CCDC181: variants seen among roughly 807,000 people sequenced by gnomAD.
CCDC181 encodes the protein coiled-coil domain containing 181.
A neutral mutation model predicts 58.7 loss-of-function variants in CCDC181; 35 were observed. The ratio of observed to expected loss-of-function variants is 0.60; its 90% CI spans 0.46 to 0.79. The LOEUF (loss-of-function observed/expected upper bound fraction) is 0.79, where lower values mean the gene tolerates loss of function less well. Among genes scored for constraint, CCDC181 ranks in the 30% least tolerant of loss-of-function variants. The pLI, the probability that CCDC181 is intolerant of heterozygous loss-of-function variation, is 0.00. For synonymous variants in CCDC181, 183 were observed against 197.5 expected, an observed-to-expected ratio of 0.93 and a Z score of 0.62; for missense variants, 517 against 583.9, an observed-to-expected ratio of 0.89 and a Z score of 1.18.
rs746721234 is a variant in CCDC181, at chr1:169,394,878, CTG to C, written c.*167_*168del. On this transcript the variant is annotated 3_prime_UTR_variant, in exon 6 of 6. Transcript: ENST00000367806. ...AGAGATGGCACAACACATTACAACA[CTG>C]TGAGAAAAAAATTTATTTTGTTCTA... 1.8e-6 allele frequency: 1 copy of C among 552,640 alleles called. No homozygotes were observed. Among genetic ancestry groups the C allele is most frequent in the Non-Finnish European group, 3.0e-6 (1 of 330,698 alleles). 34.2% of individuals were successfully genotyped at this position (552,640 alleles called of 1,614,324 possible).
chr1:169,395,464 T>C (rs2102030488), intron 5 of CCDC181, among the ~76,000 whole-genome samples: 1 of 152,330 alleles, frequency 6.6e-6, no homozygotes, highest in African/African-American at 2.4e-5. Context: ...GGTTTTTTAA[T>C]AATAAACACT....
At chr1:169,403,476 C>T (rs948171351) in intron 4 of CCDC181, among the ~76,000 whole-genome samples, 3 of 152,250 alleles carry the variant, frequency 2.0e-5, no homozygotes, top group Non-Finnish European at 4.4e-5. Context: ...GACCACAGTG[C>T]AATCAAACTA....
intron 4 of CCDC181, among the ~76,000 whole-genome samples, chr1:169,417,671 A>G (rs12088713): frequency 0.015 from 2,239 of 152,232 alleles, 59 homozygotes; most frequent in African/African-American, 0.051. Flanking sequence ...GCTTCTAATC[A>G]TGGCTTAGTC....
intron 2 of CCDC181, among the ~76,000 whole-genome samples, chr1:169,423,819 T>C (rs1287211885): frequency 6.6e-6 from 1 of 152,042 alleles, no homozygotes; most frequent in Non-Finnish European, 1.5e-5. Flanking sequence ...TCTGTTAGGA[T>C]GCATAAAACT....
chr1:169,430,964 T>G (rs1656905140), upstream of CCDC181, among the ~76,000 whole-genome samples: 1 of 152,200 alleles, frequency 6.6e-6, no homozygotes, highest in African/African-American at 2.4e-5. Flanking sequence ...ATGCAAACAT[T>G]ACACTCCTAT....
chr1:169,442,000 A>G (rs1433083508), intron 2 of CCDC181, among the ~76,000 whole-genome samples: 3 of 152,138 alleles, frequency 2.0e-5, no homozygotes, highest in Non-Finnish European at 2.9e-5. Flanking sequence ...TAAGTAAACA[A>G]TATGAGGAAG....
intron 4 of CCDC181, among the ~76,000 whole-genome samples, chr1:169,415,691 G>C (rs1375945797): frequency 2.6e-5 from 4 of 152,086 alleles, no homozygotes; most frequent in African/African-American, 9.7e-5. Flanking sequence ...ATTAAAAATA[G>C]TTATGTAACC....
chr1:169,416,378 G>A (rs7528449), intron 4 of CCDC181, among the ~76,000 whole-genome samples: 81,204 of 151,958 alleles, frequency 0.53, 22,538 homozygotes, highest in Non-Finnish European at 0.6. Context: ...TGCTTATTAT[G>A]TTTTTTTCCG....
intron 4 of CCDC181, among the ~76,000 whole-genome samples, chr1:169,417,299 T>C (rs1656257003): frequency 6.6e-6 from 1 of 152,204 alleles, no homozygotes; most frequent in African/African-American, 2.4e-5. Flanking sequence ...TGACCAGCTA[T>C]ATATTGCCAG....
chr1:169,401,401 T>C (rs1309170051), intron 4 of CCDC181, among the ~76,000 whole-genome samples: 1 of 152,164 alleles, frequency 6.6e-6, no homozygotes, highest in Non-Finnish European at 1.5e-5. Context: ...CACCTCCCAG[T>C]AGGGGCCAAC....
intron 4 of CCDC181, among the ~76,000 whole-genome samples, chr1:169,406,577 C>T (rs1655667697): frequency 6.6e-6 from 1 of 152,134 alleles, no homozygotes; most frequent in Non-Finnish European, 1.5e-5. Context: ...TGTTCTCACT[C>T]ACAGGTGGGC....
intron 4 of CCDC181, among the ~76,000 whole-genome samples, chr1:169,414,324 A>G (rs1656119851): frequency 6.6e-6 from 1 of 152,162 alleles, no homozygotes; most frequent in Non-Finnish European, 1.5e-5. Context: ...CATGAAGCAA[A>G]ACTCAACAGA....
chr1:169,433,860 T>C (rs930445622), intron 2 of CCDC181, among the ~76,000 whole-genome samples: 1 of 152,052 alleles, frequency 6.6e-6, no homozygotes, highest in Non-Finnish European at 1.5e-5. Context: ...CACATTGGAT[T>C]TGACAATAAT....
chr1:169,443,292 T>G (rs1303948633), intron 2 of CCDC181: 3 of 152,118 alleles, frequency 2.0e-5, no homozygotes, highest in Non-Finnish European at 1.5e-5. Context: ...TTATTTCATG[T>G]GTTCAGCACC....
chr1:169,421,362 C>G lies in CCDC181; in HGVS notation c.1068+1G>C, dbSNP rs985221190. ...AATATAATGCCCACTTAGGTTCTCACCTCTCTTTTCAGTTTTTCTCTCTTT... is the reference window on the plus strand; with the variant it reads ...AATATAATGCCCACTTAGGTTCTCAGCTCTCTTTTCAGTTTTTCTCTCTTT... On this transcript the variant is annotated splice_donor_variant, in intron 3 of 5. Coordinates refer to ENST00000367806, the MANE Select transcript of CCDC181 (RefSeq NM_001300969.2). LOFTEE classifies it high-confidence loss of function. 1 of 1,596,932 alleles carries G rather than the reference C, an allele frequency of 6.3e-7. No homozygotes were observed. The highest frequency in any genetic ancestry group is 1.3e-5 in the African/African-American group (1 of 74,432).
intron 4 of CCDC181, among the ~76,000 whole-genome samples, chr1:169,406,719 G>A (rs1167160269): frequency 1.3e-5 from 2 of 151,684 alleles, no homozygotes; most frequent in Non-Finnish European, 2.9e-5. Context: ...ACACCAACAT[G>A]GCACATGTAT....
intron 2 of CCDC181, chr1:169,452,852 A>T (rs1161173136): frequency 6.6e-6 from 1 of 152,092 alleles, no homozygotes; most frequent in East Asian, 1.9e-4. Context: ...AATTAAATTG[A>T]ATTAAAAATT....
upstream of CCDC181, among the ~76,000 whole-genome samples, chr1:169,430,842 C>T (rs1656900847): frequency 6.6e-6 from 1 of 152,172 alleles, no homozygotes; most frequent in Non-Finnish European, 1.5e-5. Context: ...TCCCATTGGA[C>T]ACTTTACATT....
At chr1:169,398,615 A>C (rs536526078) in intron 4 of CCDC181, among the ~76,000 whole-genome samples, 1 of 152,302 alleles carries the variant, frequency 6.6e-6, no homozygotes, top group South Asian at 2.1e-4. Flanking sequence ...CAGTAACCAC[A>C]AGTCATAAGT....
Sources: allele counts gnomAD v4.1 joint callset (sites outside exome capture counted in the v4.1 genomes callset), GRCh38; gene constraint gnomAD v4.1.1; transcripts MANE v1.5; gene names NCBI Gene and HGNC (gene_info 2026-07-23, HGNC 2026-07-21).